The following HMCES variants were observed in gnomAD, a reference collection of about 807,000 sequenced individuals.
HMCES encodes 5-hydroxymethylcytosine binding, ES cell specific, also known as abasic site processing protein HMCES.
In HMCES, 27 loss-of-function variants were observed where a neutral mutation model predicts 35.1. The observed-to-expected ratio is 0.77, with a 90% CI of 0.57 to 1.06. The LOEUF (loss-of-function observed/expected upper bound fraction) is 1.06, where lower values mean the gene tolerates loss of function less well. Ranked by LOEUF, HMCES falls within the 50% of genes least tolerant of loss-of-function variation. The pLI, the probability that HMCES is intolerant of heterozygous loss-of-function variation, is 0.00. For synonymous variants in HMCES, 130 were observed against 154.7 expected (o/e 0.84, Z 1.18); for missense variants, 391 against 430.4 (o/e 0.91, Z 0.81).
At chr3:129,300,991 A>G (rs575641660) in intron 5 of HMCES, among the ~76,000 whole-genome samples, 69 of 151,196 alleles carry the variant, frequency 4.6e-4, no homozygotes, top group African/African-American at 1.6e-3. Flanking sequence ...AGATCATGCC[A>G]TTGAACTCCA....
Position 129,293,478 on chromosome 3 carries a change from A to T in HMCES, c.453+2674A>T, listed in dbSNP as rs547969478. 4.6e-5 allele frequency among the ~76,000 whole-genome samples: 7 copies of T among 152,240 alleles called. No individual in the cohort carries two copies. The East Asian group carries it at 1.3e-3, about 29-fold the overall frequency. ...TTAATTTATAAAACATCTATCAATT[A>T]TAATAGCAAATATTAAGCACTTACT... On this transcript the variant is annotated intron_variant, in intron 4 of 6. Coordinates refer to ENST00000383463, the MANE Select transcript of HMCES (RefSeq NM_020187.3).
intron 6 of HMCES, among the ~76,000 whole-genome samples, chr3:129,303,159 C>T (rs1316686384): frequency 6.6e-6 from 1 of 152,088 alleles, no homozygotes; most frequent in Non-Finnish European, 1.5e-5. Flanking sequence ...AGAAGGCCTG[C>T]AGTGGGGAGA....
chr3:129,304,678 G>C lies in HMCES; in HGVS notation c.918G>C (p.Lys306Asn), dbSNP rs1466707410. 5.0e-6 allele frequency: 8 copies of C among 1,614,082 alleles called. No homozygotes were observed. The highest frequency in any genetic ancestry group is 6.8e-6 in the Non-Finnish European group (8 of 1,180,044). ...PKKEDSKTPQ[K>N]EESDVPQWSS... is the part of the protein sequence containing the mutation. ...AGGAAGACTCAAAAACACCTCAAAAGGAAGAGTCAGATGTTCCCCAGTGGT... is the reference window on the plus strand; with the variant it reads ...AGGAAGACTCAAAAACACCTCAAAACGAAGAGTCAGATGTTCCCCAGTGGT... The change falls in exon 7 of 7, where the codon AAG becomes AAC. Residue 306 changes from lysine to asparagine, a missense_variant. Coordinates refer to ENST00000383463, the MANE Select transcript of HMCES (RefSeq NM_020187.3).
chr3:129,298,005 T>C (rs1238336241), intron 4 of HMCES, among the ~76,000 whole-genome samples: 1 of 152,184 alleles, frequency 6.6e-6, no homozygotes, highest in African/African-American at 2.4e-5. Flanking sequence ...GAAGGTTGCT[T>C]CAGCAAGACA....
chr3:129,283,073 A>T (rs1940541699), intron 2 of HMCES, among the ~76,000 whole-genome samples: 1 of 152,266 alleles, frequency 6.6e-6, no homozygotes, highest in African/African-American at 2.4e-5. Flanking sequence ...GTTTAGCAAC[A>T]TCCTCTACCA....
intron 6 of HMCES, among the ~76,000 whole-genome samples, chr3:129,303,476 T>C (rs2071196298): frequency 6.6e-6 from 1 of 152,226 alleles, no homozygotes; most frequent in South Asian, 2.1e-4. Context: ...TATATACAGG[T>C]TGAATATCCC....
chr3:129,284,157 G>A (rs190361915), intron 2 of HMCES, among the ~76,000 whole-genome samples: 156 of 152,314 alleles, frequency 1.0e-3, no homozygotes, highest in African/African-American at 3.4e-3. Flanking sequence ...GAGGTTGATC[G>A]AGGCAGAGCT....
chr3:129,300,670 G>T (rs193155588), intron 5 of HMCES, among the ~76,000 whole-genome samples: 5 of 152,124 alleles, frequency 3.3e-5, no homozygotes, highest in Admixed American at 2.0e-4. Flanking sequence ...GCCGAGGTGG[G>T]TGGATCACGA....
chr3:129,301,816 T>C (rs955196809), intron 5 of HMCES, 134 bp from the exon 6 acceptor site: 1 of 710,818 alleles, frequency 1.4e-6, no homozygotes, highest in Non-Finnish European at 2.4e-6. Flanking sequence ...ATGGCAGCAA[T>C]CAGCATGTGA....
chr3:129,304,464 C>A lies in HMCES; in HGVS notation c.829-125C>A, dbSNP rs549341354. On this transcript the variant is annotated intron_variant, in intron 6 of 6. Transcript: ENST00000383463. Reference sequence around the variant, plus strand: ...CTCTTGACTGGTGGGCCCCAGCTGGCCCTTAGTAACATTTTCCAAGCCTGG... The same window carrying A: ...CTCTTGACTGGTGGGCCCCAGCTGGACCTTAGTAACATTTTCCAAGCCTGG... The A allele has an allele frequency of 8.1e-5, 63 of 777,344 alleles. 1 individual carries two copies. In the South Asian group the frequency reaches 9.7e-4, roughly 12 times the overall value. 48.2% of individuals were successfully genotyped at this position (777,344 alleles called of 1,614,324 possible).
At position 129,301,983 on chromosome 3, in the gene HMCES, T is replaced by G. The variant is rs772066045; in HGVS notation, c.669T>G (p.Val223=). The G allele has an allele frequency of 6.2e-7, 1 of 1,613,988 alleles. No homozygotes were observed. Among genetic ancestry groups the G allele is most frequent in the Admixed American group, 1.7e-5 (1 of 59,994 alleles). Reference sequence around the variant, plus strand: ...CCATATTAGATGGAGAGGAGGCAGTTTCTAAATGGCTTGACTTTGGTGAAG... The same window carrying G: ...CCATATTAGATGGAGAGGAGGCAGTGTCTAAATGGCTTGACTTTGGTGAAG... ...MPAILDGEEA[V]SKWLDFGEVS... Residue 223 remains valine, a synonymous_variant, in exon 6 of 7, where the codon GTT becomes GTG. Transcript: ENST00000383463.
chr3:129,283,578 C>T (rs1213121874), intron 2 of HMCES, among the ~76,000 whole-genome samples: 1 of 152,040 alleles, frequency 6.6e-6, no homozygotes, highest in East Asian at 1.9e-4. Flanking sequence ...CACCTGTAAT[C>T]TCATTACTTT....
At chr3:129,290,059 C>T (rs971021134) in intron 3 of HMCES, among the ~76,000 whole-genome samples, 4 of 151,500 alleles carry the variant, frequency 2.6e-5, no homozygotes, top group South Asian at 2.1e-4. Context: ...TGGTGGCGGA[C>T]GCCTGTAGTC....
intron 4 of HMCES, among the ~76,000 whole-genome samples, chr3:129,294,019 G>T (rs946361510): frequency 5.3e-5 from 8 of 152,016 alleles, no homozygotes; most frequent in African/African-American, 1.9e-4. Context: ...TTTTCTATTT[G>T]TTCCATCAAC....
intron 4 of HMCES, among the ~76,000 whole-genome samples, chr3:129,294,158 A>T (rs1320157333): frequency 6.6e-6 from 1 of 151,836 alleles, no homozygotes; most frequent in Non-Finnish European, 1.5e-5. Context: ...GTGGCTTACA[A>T]CTCTAATCCC....
At chr3:129,292,117 A>T (rs2071025598) in intron 4 of HMCES, among the ~76,000 whole-genome samples, 1 of 152,108 alleles carries the variant, frequency 6.6e-6, no homozygotes, top group African/African-American at 2.4e-5. Context: ...ACATAATTTG[A>T]ACTGTTCATG....
At chr3:129,302,209 C>T (rs2107700231) in intron 6 of HMCES, 67 bp downstream of exon 6, 2 of 1,353,256 alleles carry the variant, frequency 1.5e-6, no homozygotes, top group Middle Eastern at 2.0e-4. Context: ...CTCTTTCTTT[C>T]AGGATGTGGC....
At chr3:129,289,692 A>G (rs934474187) in intron 3 of HMCES, among the ~76,000 whole-genome samples, 10 of 152,054 alleles carry the variant, frequency 6.6e-5, no homozygotes, top group East Asian at 3.9e-4. Flanking sequence ...GTTGCATTCT[A>G]TGGGTTACAC....
chr3:129,291,080 T>C (rs1454528994), intron 4 of HMCES, among the ~76,000 whole-genome samples: 1 of 152,076 alleles, frequency 6.6e-6, no homozygotes, highest in Non-Finnish European at 1.5e-5. Flanking sequence ...TGTGTGCCTG[T>C]AGTCCCAGCT....
Sources: gnomAD v4.1 joint callset for allele counts (sites outside exome capture counted in the v4.1 genomes callset) on GRCh38, gnomAD v4.1.1 for gene constraint, MANE v1.5 for transcripts, NCBI Gene and HGNC (gene_info 2026-07-23, HGNC 2026-07-21) for gene names.